MTF2: variants seen among roughly 807,000 people sequenced by gnomAD.
The protein encoded by MTF2 is metal response element binding transcription factor 2, also known as metal-response element-binding transcription factor 2.
MTF2 carries 11 observed loss-of-function variants against 79.5 expected under a neutral mutation model. The ratio of observed to expected loss-of-function variants is 0.14; its 90% CI spans 0.09 to 0.23. The LOEUF (loss-of-function observed/expected upper bound fraction) is 0.23. Among genes scored for constraint, MTF2 ranks in the 10% least tolerant of loss-of-function variants. MTF2 has a pLI of 1.00. For missense variants in MTF2, 486 were observed against 711.2 expected (o/e 0.68, Z 3.60); for synonymous variants, 208 against 232.8 (o/e 0.89, Z 0.97).
chr1:93,093,898 A>G (rs1265870026), intron 1 of MTF2, among the ~76,000 whole-genome samples: 1 of 152,018 alleles, frequency 6.6e-6, no homozygotes, highest in African/African-American at 2.4e-5. Context: ...TAGTCCCTTG[A>G]TTGATAATTT....
chr1:93,087,747 T>A lies in MTF2; in HGVS notation c.5+8216T>A, dbSNP rs148058461. ...AATTGGGATCCAAAGGTGACAAATA[T>A]CTAGAATAACTTTGTCTCAGAAATA... On this transcript the variant is annotated intron_variant, in intron 1 of 14. Transcript: ENST00000370298. Among the ~76,000 whole-genome samples, 958 of 152,320 alleles carry A rather than the reference T, an allele frequency of 6.3e-3. 5 individuals are homozygous for A. Among genetic ancestry groups the A allele is most frequent in the Non-Finnish European group, 9.9e-3 (675 of 68,030 alleles).
chr1:93,105,106 T>A (rs1355314328), intron 1 of MTF2, among the ~76,000 whole-genome samples: 1 of 132,522 alleles, frequency 7.5e-6, no homozygotes, highest in African/African-American at 2.9e-5. Context: ...ATAGCGCCAC[T>A]GCACTCCAGC....
rs188588473 is a variant in MTF2 at position 93,127,317 on chromosome 1, A to G, written c.989+18A>G. 59 of 1,482,624 alleles carry G rather than the reference A, an allele frequency of 4.0e-5. No individual in the cohort carries two copies. In the African/African-American group the frequency reaches 6.6e-4, roughly 17 times the overall value. The allele number at this position is 1,482,624 out of a possible 1,614,324, so 91.8% of individuals were successfully genotyped here. ...AAGACCATGTAAGTTGATTTATTTT[A>G]TGTATCCCTATGAGGGAGACATTTA... On this transcript the variant is annotated intron_variant, in intron 10 of 14. Transcript: ENST00000370298.
intron 1 of MTF2, among the ~76,000 whole-genome samples, chr1:93,090,020 G>C (rs1402765811): frequency 6.6e-6 from 1 of 151,676 alleles, no homozygotes; most frequent in African/African-American, 2.4e-5. Context: ...TCTGTCCCCC[G>C]GGCTGGAGCG....
Position 93,101,568 on chromosome 1 carries a change from G to GTTTTTTTTTTTTTTTTTTTTTTTTTT in MTF2, c.6-8658_6-8633dup, listed in dbSNP as rs71586778. Among the ~76,000 whole-genome samples, 17 of 25,408 alleles carry GTTTTTTTTTTTTTTTTTTTTTTTTTT rather than the reference G, an allele frequency of 6.7e-4. 7 individuals are homozygous for GTTTTTTTTTTTTTTTTTTTTTTTTTT. Among genetic ancestry groups the GTTTTTTTTTTTTTTTTTTTTTTTTTT allele is most frequent in the East Asian group, 2.5e-3 (2 of 790 alleles). 16.7% of individuals were successfully genotyped at this position (25,408 alleles called of 152,430 possible). A position where few individuals can be genotyped will look rare whatever the true frequency, so the allele number is the denominator to read the frequency against. On this transcript the variant is annotated intron_variant, in intron 1 of 14. Transcript: ENST00000370298. ...TGGTCTTGCCATGTTGCTCAGGCTG[G>GTTTTTTTTTTTTTTTTTTTTTTTTTT]TTTTTTTTTTTTTTTTTTTTTTTTT...
Position 93,089,533 on chromosome 1 carries a change from G to C in MTF2, c.5+10002G>C, listed in dbSNP as rs552041026. ...GGAGTTATTAGATTGTAAATTTCTA[G>C]AAAATTGTTTGATTCTGCCTTTAAA... is the stretch of plus-strand genomic sequence containing the variant. On this transcript the variant is annotated intron_variant, in intron 1 of 14. Transcript: ENST00000370298. Among the ~76,000 whole-genome samples, 321 of 152,156 alleles carry C rather than the reference G, an allele frequency of 2.1e-3. 1 individual carries two copies. The highest frequency in any genetic ancestry group is 7.5e-3 in the African/African-American group (311 of 41,490).
At chr1:93,087,133 G>C (rs1390279320) in intron 1 of MTF2, among the ~76,000 whole-genome samples, 1 of 152,182 alleles carries the variant, frequency 6.6e-6, no homozygotes, top group Non-Finnish European at 1.5e-5. Flanking sequence ...GAAAGTTTCA[G>C]ATTTTGAAGC....
At chr1:93,106,937 A>G (rs1655819405) in intron 1 of MTF2, among the ~76,000 whole-genome samples, 1 of 152,220 alleles carries the variant, frequency 6.6e-6, no homozygotes. Flanking sequence ...AGCATCCCTG[A>G]TGATAATTCA....
intron 1 of MTF2, among the ~76,000 whole-genome samples, chr1:93,103,606 C>T (rs889168508): frequency 2.6e-5 from 4 of 152,090 alleles, no homozygotes; most frequent in Admixed American, 2.0e-4. Flanking sequence ...TTGCATGGAG[C>T]ATTTTCATTT....
chr1:93,079,394 G>C lies in MTF2; in HGVS notation c.-133G>C, dbSNP rs1654498106. Reference sequence around the variant, plus strand: ...CCCTTGTCTCCAAGGACCTCGGTTTGTGCGTGCATATGTGCCGGGTACCCG... The same window carrying C: ...CCCTTGTCTCCAAGGACCTCGGTTTCTGCGTGCATATGTGCCGGGTACCCG... On this transcript the variant is annotated 5_prime_UTR_variant, in exon 1 of 15. Transcript: ENST00000370298. 8.9e-7 allele frequency: 1 copy of C among 1,129,260 alleles called. No individual in the cohort carries two copies. Among genetic ancestry groups the C allele is most frequent in the African/African-American group, 1.5e-5 (1 of 65,784 alleles). 70.0% of individuals were successfully genotyped at this position (1,129,260 alleles called of 1,614,324 possible).
intron 11 of MTF2, among the ~76,000 whole-genome samples, chr1:93,131,772 A>G (rs1045907994): frequency 6.6e-6 from 1 of 152,176 alleles, no homozygotes; most frequent in African/African-American, 2.4e-5. Context: ...AAATTGGTAT[A>G]GGAGAGTAGA....
At position 93,136,666 on chromosome 1, in the gene MTF2, A is replaced by G. The variant is rs201457241; in HGVS notation, c.1425-4A>G. 7 of 1,610,326 alleles carry G rather than the reference A, an allele frequency of 4.3e-6. No homozygotes were observed. The African/African-American group carries it at 8.0e-5, about 18-fold the overall frequency. The stretch of plus-strand genomic sequence containing the variant: ...AGACAATTCTGGCCTTCTCTGTTAC[A>G]TAGATTATCTGACTCCAGAAAAAGA... On this transcript the variant is annotated splice_polypyrimidine_tract_variant and splice_region_variant and intron_variant, in intron 14 of 14. Coordinates refer to ENST00000370298, the MANE Select transcript of MTF2 (RefSeq NM_007358.4).
chr1:93,117,935 G>C (rs1404789761), intron 6 of MTF2, among the ~76,000 whole-genome samples: 3 of 152,106 alleles, frequency 2.0e-5, no homozygotes. Flanking sequence ...TGAGGTGGGA[G>C]GGTCACTTGA....
chr1:93,103,472 T>C (rs1655632648), intron 1 of MTF2, among the ~76,000 whole-genome samples: 1 of 151,492 alleles, frequency 6.6e-6, no homozygotes, highest in African/African-American at 2.4e-5. Context: ...AGATACATTG[T>C]TATGTGAGAA....
chr1:93,119,510 G>T, intron 8 of MTF2, 109 bp downstream of exon 8: 1 of 762,806 alleles, frequency 1.3e-6, no homozygotes, highest in South Asian at 2.0e-5. Flanking sequence ...GGTTATTTAT[G>T]CTTGGCTTTA....
chr1:93,082,726 A>G (rs1418476784), intron 1 of MTF2, among the ~76,000 whole-genome samples: 2 of 152,200 alleles, frequency 1.3e-5, no homozygotes, highest in Non-Finnish European at 2.9e-5. Context: ...ATTCACATGC[A>G]TTCTTTGAAG....
intron 1 of MTF2, among the ~76,000 whole-genome samples, chr1:93,096,813 T>TC (rs56184263): frequency 0.72 from 74,709 of 104,238 alleles, 28,774 homozygotes; most frequent in East Asian, 0.9. Context: ...TTTTTCTTTT[T>TC]TTTTTTTTTT....
At chr1:93,105,193 A>G (rs1410343185) in intron 1 of MTF2, among the ~76,000 whole-genome samples, 1 of 149,548 alleles carries the variant, frequency 6.7e-6, no homozygotes, top group Non-Finnish European at 1.5e-5. Context: ...GGGGGAGGTT[A>G]GTGGGTTATA....
intron 14 of MTF2, among the ~76,000 whole-genome samples, chr1:93,135,718 G>A (rs1008326915): frequency 2.0e-5 from 3 of 152,172 alleles, no homozygotes; most frequent in Non-Finnish European, 4.4e-5. Flanking sequence ...AAGCTGAGGC[G>A]GAGGATTACT....
Sources: gnomAD v4.1 joint callset for allele counts (sites outside exome capture counted in the v4.1 genomes callset) on GRCh38, gnomAD v4.1.1 for gene constraint, MANE v1.5 for transcripts, NCBI Gene and HGNC (gene_info 2026-07-23, HGNC 2026-07-21) for gene names.